Variants in FBH1 observed in about 807,000 individuals in gnomAD.
FBH1 encodes the protein F-box DNA helicase 1, also known as DNA 3'-5' helicase 1.
A neutral mutation model predicts 115.5 loss-of-function variants in FBH1; 43 were observed. The observed-to-expected ratio is 0.37, with a 90% CI of 0.29 to 0.48. The LOEUF is 0.48. Among genes scored for constraint, FBH1 ranks in the 20% least tolerant of loss-of-function variants. FBH1 has a pLI of 0.99. For missense variants in FBH1, 1,001 were observed against 1,337.3 expected (o/e 0.75, Z 3.92); for synonymous variants, 524 against 507.8 (o/e 1.03, Z -0.43).
rs1324996715 is a variant in FBH1, at chr10:5,937,187, G to A, written c.3039G>A (p.Leu1013=). ...AEQRIGPLAF[L]TASPEQVRAM... The stretch of plus-strand genomic sequence containing the variant: ...AGCGCATCGGGCCCCTGGCGTTCCT[G>A]ACAGCCTCCCCGGAGCAGGTGCGCG... Residue 1013 remains leucine (L), a synonymous_variant, in exon 21 of 21, where the codon CTG becomes CTA. Transcript: ENST00000362091. 6.2e-7 allele frequency: 1 copy of A among 1,614,104 alleles called. No individual in the cohort carries two copies. Among genetic ancestry groups the A allele is most frequent in the East Asian group, 2.2e-5 (1 of 44,886 alleles).
In FBH1 at chr10:5,924,351, G is replaced by A. The variant is rs760495200; in HGVS notation, c.2439G>A (p.Val813=). 6.2e-7 allele frequency: 1 copy of A among 1,614,214 alleles called. No homozygotes were observed. Among genetic ancestry groups the A allele is most frequent in the South Asian group, 1.1e-5 (1 of 91,082 alleles). ...VIKDKFIRRW[V]HKEGFSGFKR... ...AAGACAAATTTATCAGAAGATGGGT[G>A]CACAAAGAAGGCTTTAGTGGCTTCA... Residue 813 remains valine (V), a synonymous_variant, in exon 17 of 21, where the codon GTG becomes GTA. Coordinates refer to ENST00000362091, the MANE Select transcript of FBH1 (RefSeq NM_178150.3). This position sits in a 1 kb window ranked among gnomAD's most constrained non-coding sequence, Gnocchi z 6.2.
chr10:5,914,721 C>T lies in FBH1; in HGVS notation c.1396+452C>T, dbSNP rs139810356. 9.2e-4 allele frequency among the ~76,000 whole-genome samples: 140 copies of T among 152,292 alleles called. No homozygotes were observed. Among genetic ancestry groups the T allele is most frequent in the African/African-American group, 3.1e-3 (127 of 41,554 alleles). On this transcript the variant is annotated intron_variant, in intron 8 of 20. Transcript: ENST00000362091. The surrounding 1 kb of genome is among the most constrained non-coding windows in gnomAD (Gnocchi z 5.2). Reference sequence around the variant, plus strand: ...AGTGTCCTGCCTCAGTCAGCCACGCCGATCCACTCACAGCCTCCTGAAGTA... The same window carrying T: ...AGTGTCCTGCCTCAGTCAGCCACGCTGATCCACTCACAGCCTCCTGAAGTA...
intron 19 of FBH1, 91 bp downstream of exon 19, chr10:5,927,632 C>T (rs1194013081): frequency 5.4e-6 from 5 of 923,800 alleles, no homozygotes; most frequent in African/African-American, 3.3e-5. Context: ...CAGAGGCCTT[C>T]GGATCAAGAT....
At position 5,895,308 on chromosome 10, in the gene FBH1, A is replaced by T. The variant is rs896300464; in HGVS notation, c.1+4962A>T. 7.5e-6 allele frequency: 8 copies of T among 1,062,412 alleles called. No homozygotes were observed. Among genetic ancestry groups the T allele is most frequent in the African/African-American group, 1.6e-5 (1 of 61,532 alleles). 65.8% of individuals were successfully genotyped at this position (1,062,412 alleles called of 1,614,324 possible). Reference sequence around the variant, plus strand: ...GGTATGGTATTGTAGCAGTTTCTCCAGTCAGGTACCTTGTACTAGCGAGTC... The same window carrying T: ...GGTATGGTATTGTAGCAGTTTCTCCTGTCAGGTACCTTGTACTAGCGAGTC... On this transcript the variant is annotated intron_variant, in intron 1 of 20. Coordinates refer to ENST00000362091, the MANE Select transcript of FBH1 (RefSeq NM_178150.3). This position sits in a 1 kb window ranked among gnomAD's most constrained non-coding sequence, Gnocchi z 5.0.
Position 5,918,493 on chromosome 10 carries a change from T to C in FBH1, c.2100+15T>C, listed in dbSNP as rs1214157244. The C allele has an allele frequency of 6.4e-7, 1 of 1,552,832 alleles. No homozygotes were observed. The highest frequency in any genetic ancestry group is 2.2e-5 in the Admixed American group (1 of 46,352). ...ATCTCACGCAGGTAAGTGCGCACTC[T>C]GCATGGGAGGCATTGCATCTCTCTC... On this transcript the variant is annotated intron_variant, in intron 13 of 20. Transcript: ENST00000362091. This position sits in a 1 kb window ranked among gnomAD's most constrained non-coding sequence, Gnocchi z 4.0.
intron 13 of FBH1, among the ~76,000 whole-genome samples, chr10:5,920,072 A>C (rs559424014): frequency 2.0e-5 from 3 of 152,222 alleles, no homozygotes; most frequent in African/African-American, 7.2e-5. Flanking sequence ...CCCACATTAC[A>C]TGTAACCATG....
rs1356337311 is a variant in FBH1, at chr10:5,921,598, A to G, written c.2322+29A>G. On this transcript the variant is annotated intron_variant, in intron 15 of 20. Coordinates refer to ENST00000362091, the MANE Select transcript of FBH1 (RefSeq NM_178150.3). The surrounding 1 kb of genome is among the most constrained non-coding windows in gnomAD (Gnocchi z 6.4). ...AGAGTACATTTCTGTTGACCACTTC[A>G]TGCACAGAAACGTTGTAGACGAACA... is the stretch of plus-strand genomic sequence containing the variant. The G allele has an allele frequency of 6.3e-6, 10 of 1,583,934 alleles. No individual in the cohort carries two copies. The highest frequency in any genetic ancestry group is 2.7e-5 in the African/African-American group (2 of 72,808).
Position 5,932,834 on chromosome 10 carries a change from C to T in FBH1, c.2830-3622C>T, listed in dbSNP as rs1232714770. Among the ~76,000 whole-genome samples, 2 of 152,184 alleles carry T rather than the reference C, an allele frequency of 1.3e-5. No individual in the cohort carries two copies. Among genetic ancestry groups the T allele is most frequent in the Non-Finnish European group, 1.5e-5 (1 of 68,044 alleles). ...CCAGGCTCAAGCCATCCTCCCACCT[C>T]AGCCTCCCGAGCAGCTGGGACTACA... On this transcript the variant is annotated intron_variant, in intron 19 of 20. Coordinates refer to ENST00000362091, the MANE Select transcript of FBH1 (RefSeq NM_178150.3). This position sits in a 1 kb window ranked among gnomAD's most constrained non-coding sequence, Gnocchi z 5.9.
At chr10:5,908,127 A>G (rs538904050) in intron 3 of FBH1, among the ~76,000 whole-genome samples, 1 of 152,084 alleles carries the variant, frequency 6.6e-6, no homozygotes, top group South Asian at 2.1e-4. Context: ...TCCTTCTATT[A>G]TTGTGTTGCT....
At position 5,925,452 on chromosome 10, in the gene FBH1, T is replaced by C; in HGVS notation, c.2682T>C (p.Cys894=). 6.2e-7 allele frequency: 1 copy of C among 1,614,208 alleles called. No individual in the cohort carries two copies. Among genetic ancestry groups the C allele is most frequent in the African/African-American group, 1.3e-5 (1 of 75,064 alleles). ...HVLDDFVKVP[C]ARHNLPQLPH... Reference sequence around the variant, plus strand: ...TGGATGATTTTGTGAAAGTGCCTTGTGCCCGGCATAACCTGCCCCAGCTTC... The same window carrying C: ...TGGATGATTTTGTGAAAGTGCCTTGCGCCCGGCATAACCTGCCCCAGCTTC... The change falls in exon 18 of 21, where the codon TGT becomes TGC. Residue 894 remains cysteine (C), a synonymous_variant. Coordinates refer to ENST00000362091, the MANE Select transcript of FBH1 (RefSeq NM_178150.3). This position sits in a 1 kb window ranked among gnomAD's most constrained non-coding sequence, Gnocchi z 4.6.
chr10:5,919,138 T>G (rs1832159801), intron 13 of FBH1, among the ~76,000 whole-genome samples: 1 of 152,200 alleles, frequency 6.6e-6, no homozygotes, highest in South Asian at 2.1e-4. Flanking sequence ...CTTGCTGCAT[T>G]TTTTTTTGTT....
In FBH1 at chr10:5,936,473, A is replaced by G. The variant is rs752798333; in HGVS notation, c.2847A>G (p.Ala949=). The G allele has an allele frequency of 7.0e-5, 113 of 1,613,820 alleles. No individual in the cohort carries two copies. Among genetic ancestry groups the G allele is most frequent in the Non-Finnish European group, 9.3e-5 (110 of 1,179,950 alleles). Residue 949 remains alanine (A), a synonymous_variant, in exon 20 of 21, where the codon GCA becomes GCG. Coordinates refer to ENST00000362091, the MANE Select transcript of FBH1 (RefSeq NM_178150.3). This position sits in a 1 kb window ranked among gnomAD's most constrained non-coding sequence, Gnocchi z 5.6. ...LTLAGEYFLQ[A]ELTSNVLKTG... ...TTTCTCAGGAGTACTTCTTGCAAGC[A>G]GAGCTGACAAGCAACGTCTTAAAAA...
chr10:5,904,934 T>G (rs1843606691), intron 2 of FBH1, among the ~76,000 whole-genome samples: 2 of 152,156 alleles, frequency 1.3e-5, no homozygotes, highest in South Asian at 4.1e-4. Context: ...TCTTCCAAAG[T>G]GAATATTTTG....
At chr10:5,920,858 C>T (rs947387096) in intron 13 of FBH1, among the ~76,000 whole-genome samples, 6 of 152,174 alleles carry the variant, frequency 3.9e-5, no homozygotes, top group African/African-American at 1.4e-4. Flanking sequence ...TGAGGCAGGG[C>T]AGCACGGACA....
In FBH1 at chr10:5,923,490, T is replaced by C. The variant is rs1215933393; in HGVS notation, c.2323-131T>C. 8.6e-6 allele frequency: 6 copies of C among 701,060 alleles called. No homozygotes were observed. The highest frequency in any genetic ancestry group is 8.5e-5 in the East Asian group (3 of 35,420). The allele number at this position is 701,060 out of a possible 1,614,324, so 43.4% of individuals were successfully genotyped here. On this transcript the variant is annotated intron_variant, in intron 15 of 20. Transcript: ENST00000362091. The surrounding 1 kb of genome is among the most constrained non-coding windows in gnomAD (Gnocchi z 5.7). Reference sequence around the variant, plus strand: ...TGCTTTGGGTGTCACTCAAGATCCATTTCCAAGAAACCATCTCATTTCAAA... The same window carrying C: ...TGCTTTGGGTGTCACTCAAGATCCACTTCCAAGAAACCATCTCATTTCAAA...
At chr10:5,902,036 G>A (rs1390556069) in intron 1 of FBH1, among the ~76,000 whole-genome samples, 1 of 152,152 alleles carries the variant, frequency 6.6e-6, no homozygotes, top group Non-Finnish European at 1.5e-5. Context: ...TTTCAGTACC[G>A]TTGAAACAAA....
At chr10:5,903,772 CTG>C (rs1313487194) in intron 2 of FBH1, among the ~76,000 whole-genome samples, 1 of 152,230 alleles carries the variant, frequency 6.6e-6, no homozygotes, top group African/African-American at 2.4e-5. Context: ...TCCAGAAACA[CTG>C]AGATTAGTTG....
rs769186128 is a variant in FBH1, at chr10:5,917,513, C to T, written c.1876+6C>T. Reference sequence around the variant, plus strand: ...GCACCAGATGACTCATGACGGTAGGCGGCTGCCGAATGGCGGGGACTGGCC... The same window carrying T: ...GCACCAGATGACTCATGACGGTAGGTGGCTGCCGAATGGCGGGGACTGGCC... On this transcript the variant is annotated splice_donor_region_variant and intron_variant, in intron 11 of 20. Transcript: ENST00000362091. The surrounding 1 kb of genome is among the most constrained non-coding windows in gnomAD (Gnocchi z 5.6). The T allele has an allele frequency of 9.9e-6, 16 of 1,613,970 alleles. No homozygotes were observed. The East Asian group carries it at 1.8e-4, about 18-fold the overall frequency.
rs556402949 is a variant in FBH1 at position 5,909,611 on chromosome 10, A to G, written c.1020+317A>G. ...ACACTTTTAATAATAGGATTTCTTT[A>G]CAAGACAGCCCACCCCATTATCAAC... On this transcript the variant is annotated intron_variant, in intron 5 of 20. Transcript: ENST00000362091. This position sits in a 1 kb window ranked among gnomAD's most constrained non-coding sequence, Gnocchi z 4.4. The G allele has an allele frequency of 3.4e-6, 1 of 291,230 alleles. No homozygotes were observed. Among genetic ancestry groups the G allele is most frequent in the Non-Finnish European group, 6.4e-6 (1 of 156,648 alleles). The allele number at this position is 291,230 out of a possible 1,614,324, so 18.0% of individuals were successfully genotyped here. A position where few individuals can be genotyped will look rare whatever the true frequency, so the allele number is the denominator to read the frequency against.
Sources: allele counts gnomAD v4.1 joint callset (sites outside exome capture counted in the v4.1 genomes callset), GRCh38; gene constraint gnomAD v4.1.1; non-coding constraint Gnocchi (gnomAD v3.1); transcripts MANE v1.5; gene names NCBI Gene and HGNC (gene_info 2026-07-23, HGNC 2026-07-21).